Variants in ZNF532 observed in about 807,000 individuals in gnomAD.
The protein encoded by ZNF532 is zinc finger protein 532.
A neutral mutation model predicts 89.3 loss-of-function variants in ZNF532; 22 were observed. That is an observed-to-expected ratio of 0.25 (90% CI 0.18 to 0.35). ZNF532 has a LOEUF of 0.35. Among genes scored for constraint, ZNF532 ranks in the 10% least tolerant of loss-of-function variants. The pLI is 1.00. For missense variants in ZNF532, 1,132 were observed against 1,643.4 expected (o/e 0.69, Z 5.38); for synonymous variants, 606 against 649.6 (o/e 0.93, Z 1.02).
intron 7 of ZNF532, among the ~76,000 whole-genome samples, chr18:58,974,010 C>T (rs1027761499): frequency 6.6e-6 from 1 of 151,980 alleles, no homozygotes; most frequent in African/African-American, 2.4e-5. Context: ...ATAAAGGGCA[C>T]GTGGGAATTT....
At chr18:58,955,002 C>A (rs2064621820) in intron 7 of ZNF532, among the ~76,000 whole-genome samples, 2 of 152,210 alleles carry the variant, frequency 1.3e-5, no homozygotes, top group Non-Finnish European at 2.9e-5. Flanking sequence ...GCGTGAGCCA[C>A]TGTGCCCAGC....
chr18:58,890,232 A>AAT (rs984305784), intron 2 of ZNF532, among the ~76,000 whole-genome samples: 14 of 151,270 alleles, frequency 9.3e-5, no homozygotes, highest in South Asian at 6.3e-4. Context: ...GGGGAGGAAA[A>AAT]ATATATATAT....
At chr18:58,892,011 A>G (rs1568256735) in intron 2 of ZNF532, among the ~76,000 whole-genome samples, 1 of 152,252 alleles carries the variant, frequency 6.6e-6, no homozygotes. Flanking sequence ...TGTGAAATCA[A>G]GAATATATAG....
Position 58,944,839 on chromosome 18 carries a change from A to G in ZNF532, c.2706-3228A>G, listed in dbSNP as rs1208937559. On this transcript the variant is annotated intron_variant, in intron 5 of 9. Transcript: ENST00000591808. ...ATGCATCTTTGCATCTTTTTCCCCC[A>G]GATTCCTCGGTTGTTAGCGTTGCAG... Among the ~76,000 whole-genome samples, 3 of 152,176 alleles carry G rather than the reference A, an allele frequency of 2.0e-5. No homozygotes were observed. In the East Asian group the frequency reaches 5.8e-4, roughly 29 times the overall value.
intron 2 of ZNF532, among the ~76,000 whole-genome samples, chr18:58,887,065 C>G (rs1055678938): frequency 6.6e-6 from 1 of 152,214 alleles, no homozygotes; most frequent in South Asian, 2.1e-4. Context: ...TTACCTGGTT[C>G]CTAAGGCTTT....
chr18:58,953,031 G>A (rs2064373373), intron 6 of ZNF532, among the ~76,000 whole-genome samples: 1 of 152,218 alleles, frequency 6.6e-6, no homozygotes, highest in Admixed American at 6.5e-5. Context: ...GAATGTGAAA[G>A]GCATGAAGAG....
At chr18:58,983,844 A>T in intron 9 of ZNF532, 128 bp from the exon 10 acceptor site, 2 of 1,190,906 alleles carry the variant, frequency 1.7e-6, no homozygotes, top group Non-Finnish European at 2.4e-6. Flanking sequence ...ACACAGCTTT[A>T]AAGCCCCTAA....
At chr18:58,960,794 A>G (rs1266830992) in intron 7 of ZNF532, among the ~76,000 whole-genome samples, 1 of 152,216 alleles carries the variant, frequency 6.6e-6, no homozygotes, top group Non-Finnish European at 1.5e-5. Flanking sequence ...GAAAGCTTCC[A>G]TCTTGGATCA....
intron 7 of ZNF532, among the ~76,000 whole-genome samples, chr18:58,965,244 A>T (rs2065803090): frequency 6.6e-6 from 1 of 152,124 alleles, no homozygotes. Flanking sequence ...GCTAAATTGG[A>T]AGGCGGGGTG....
chr18:58,980,435 C>T (rs1325756974), intron 8 of ZNF532: 1 of 152,210 alleles, frequency 6.6e-6, no homozygotes, highest in Non-Finnish European at 1.5e-5. Context: ...ATGGAGAGCC[C>T]TCGTCCTTTG....
rs1264353179 is a variant in ZNF532 at position 58,920,027 on chromosome 18, G to A, written c.1740G>A (p.Val580=). 6.2e-7 allele frequency: 1 copy of A among 1,613,796 alleles called. No individual in the cohort carries two copies. Among genetic ancestry groups the A allele is most frequent in the Non-Finnish European group, 8.5e-7 (1 of 1,179,796 alleles). Residue 580 remains valine, a synonymous_variant, in exon 3 of 10, where the codon GTG becomes GTA. Coordinates refer to ENST00000591808, the MANE Select transcript of ZNF532 (RefSeq NM_001375912.1). ...TGGTGTCGTCCTTGCAGAGTTCTGT[G>A]GTGGAAGCTTTCAACAAGGTGCTGA... ...VQVVSSLQSS[V]VEAFNKVLSS... is the part of the protein sequence containing the mutation.
chr18:58,918,229 A>G (rs1363292225), intron 2 of ZNF532, 42 bp from the exon 3 acceptor site: 1 of 1,542,722 alleles, frequency 6.5e-7, no homozygotes, highest in Non-Finnish European at 8.8e-7. Flanking sequence ...ATCGTGAGGA[A>G]ATACCAATTA....
intron 3 of ZNF532, among the ~76,000 whole-genome samples, chr18:58,931,381 T>C (rs2061950898): frequency 6.6e-6 from 1 of 151,976 alleles, no homozygotes; most frequent in Non-Finnish European, 1.5e-5. Flanking sequence ...CTCAAATACA[T>C]CCCCCAAACC....
chr18:58,888,663 C>T (rs1250583830), intron 2 of ZNF532, among the ~76,000 whole-genome samples: 36 of 105,356 alleles, frequency 3.4e-4, no homozygotes, highest in African/African-American at 1.2e-3. Flanking sequence ...GCGACAAGAG[C>T]GAAACTCTGT....
At chr18:58,878,518 C>T (rs1419167960) in intron 2 of ZNF532, among the ~76,000 whole-genome samples, 1 of 152,166 alleles carries the variant, frequency 6.6e-6, no homozygotes, top group East Asian at 1.9e-4. Context: ...TGAATGAAGA[C>T]CATATGAGCT....
intron 6 of ZNF532, among the ~76,000 whole-genome samples, chr18:58,948,626 G>A (rs943302667): frequency 2.7e-5 from 4 of 146,124 alleles, no homozygotes; most frequent in African/African-American, 1.0e-4. Context: ...AGAATGCAGT[G>A]GCACGATCTC....
chr18:58,868,149 G>A (rs1005002100), intron 2 of ZNF532, among the ~76,000 whole-genome samples: 1 of 152,178 alleles, frequency 6.6e-6, no homozygotes, highest in Non-Finnish European at 1.5e-5. Flanking sequence ...CTGTTAACAG[G>A]TGAAGCAGAG....
At chr18:58,917,009 G>A (rs1042262904) in intron 2 of ZNF532, among the ~76,000 whole-genome samples, 4 of 152,304 alleles carry the variant, frequency 2.6e-5, no homozygotes, top group Admixed American at 1.3e-4. Context: ...CTAGGAACAC[G>A]CATCTAAATT....
intron 4 of ZNF532, among the ~76,000 whole-genome samples, chr18:58,935,014 T>C (rs1308121729): frequency 1.3e-5 from 2 of 151,972 alleles, no homozygotes; most frequent in Non-Finnish European, 2.9e-5. Context: ...AGTGCGATGG[T>C]CTTTTACTTT....
Sources: gnomAD v4.1 joint callset for allele counts (sites outside exome capture counted in the v4.1 genomes callset) on GRCh38, gnomAD v4.1.1 for gene constraint, MANE v1.5 for transcripts, NCBI Gene and HGNC (gene_info 2026-07-23, HGNC 2026-07-21) for gene names.